The following GRID2 variants were observed in gnomAD, a reference collection of about 807,000 sequenced individuals.
The protein encoded by GRID2 is glutamate ionotropic receptor delta type subunit 2.
In GRID2, 33 loss-of-function variants were observed where a neutral mutation model predicts 114.8. That is an observed-to-expected ratio of 0.29 (90% CI 0.22 to 0.38). The LOEUF (loss-of-function observed/expected upper bound fraction) is 0.38. GRID2 is among the 10% of genes least tolerant of loss of function. GRID2 has a pLI of 1.00. For synonymous variants in GRID2, 505 were observed against 449.9 expected, an observed-to-expected ratio of 1.12 and a Z score of -1.55; for missense variants, 1,184 against 1,257.7, an observed-to-expected ratio of 0.94 and a Z score of 0.89.
In GRID2 at chr4:92,835,113, A is replaced by G. The variant is rs149248857; in HGVS notation, c.244+244827A>G. Among the ~76,000 whole-genome samples the G allele has an allele frequency of 3.9e-3, 594 of 152,192 alleles. 3 individuals are homozygous for G. Among genetic ancestry groups the G allele is most frequent in the African/African-American group, 0.014 (567 of 41,544 alleles). Reference sequence around the variant, plus strand: ...TTTTAATATGATATGGCAGTGCTCAATGGAAAGTAAAATTTACTGTAAGGA... The same window carrying G: ...TTTTAATATGATATGGCAGTGCTCAGTGGAAAGTAAAATTTACTGTAAGGA... On this transcript the variant is annotated intron_variant, in intron 2 of 15. Transcript: ENST00000282020.
At chr4:92,492,507 T>C (rs1265541674) in intron 1 of GRID2, among the ~76,000 whole-genome samples, 2 of 152,214 alleles carry the variant, frequency 1.3e-5, no homozygotes, top group South Asian at 2.1e-4. Context: ...TTGGTTAGCA[T>C]CCACATATTC....
intron 4 of GRID2, among the ~76,000 whole-genome samples, chr4:93,174,657 T>C (rs1469029989): frequency 1.3e-5 from 2 of 152,090 alleles, no homozygotes; most frequent in Non-Finnish European, 2.9e-5. Context: ...CTCTGTCATA[T>C]AAGGACACAG....
intron 1 of GRID2, among the ~76,000 whole-genome samples, chr4:92,545,041 T>C (rs192917769): frequency 6.5e-4 from 99 of 152,170 alleles, no homozygotes; most frequent in African/African-American, 2.3e-3. Context: ...TGATTGAAAT[T>C]GCTGGTTCAT....
chr4:92,360,671 C>G (rs1426196321), intron 1 of GRID2, among the ~76,000 whole-genome samples: 1 of 151,776 alleles, frequency 6.6e-6, no homozygotes, highest in Non-Finnish European at 1.5e-5. Context: ...TGAATGGAGT[C>G]TTGAAAGATA....
intron 8 of GRID2, among the ~76,000 whole-genome samples, chr4:93,265,216 TACATTTACCTGCAGTTGAG>T (rs370345387): frequency 0.017 from 2,637 of 152,294 alleles, 77 homozygotes; most frequent in African/African-American, 0.059. Context: ...AGATAAGGTG[TACATTTACCTGCAGTTGAG>T]ACATAAAAAA....
chr4:93,484,765 G>T (rs1726220143), intron 11 of GRID2, among the ~76,000 whole-genome samples: 1 of 151,882 alleles, frequency 6.6e-6, no homozygotes, highest in Admixed American at 6.6e-5. Flanking sequence ...TGTACATCCA[G>T]TTAGGTCACA....
At chr4:93,500,013 A>G (rs1727942433) in intron 12 of GRID2, among the ~76,000 whole-genome samples, 1 of 152,026 alleles carries the variant, frequency 6.6e-6, no homozygotes. Context: ...AATGGCATCC[A>G]TAAGGGTTAC....
intron 1 of GRID2, among the ~76,000 whole-genome samples, chr4:92,305,635 C>G (rs562137437): frequency 6.6e-6 from 1 of 152,174 alleles, no homozygotes; most frequent in South Asian, 2.1e-4. Context: ...GAGCGGGCTC[C>G]GAGATGCTGG....
chr4:92,851,700 G>A (rs1408819479), intron 2 of GRID2, among the ~76,000 whole-genome samples: 1 of 151,896 alleles, frequency 6.6e-6, no homozygotes, highest in African/African-American at 2.4e-5. Flanking sequence ...TGAATCAGTA[G>A]TACAGGTAAA....
chr4:92,430,075 G>T (rs1414765040), intron 1 of GRID2, among the ~76,000 whole-genome samples: 1 of 151,922 alleles, frequency 6.6e-6, no homozygotes, highest in Non-Finnish European at 1.5e-5. Flanking sequence ...TTTTTTGATT[G>T]TATCCTTTTC....
intron 1 of GRID2, among the ~76,000 whole-genome samples, chr4:92,510,075 G>T (rs1434977834): frequency 1.3e-5 from 2 of 151,798 alleles, no homozygotes; most frequent in Non-Finnish European, 2.9e-5. Context: ...AGGGTTGAGG[G>T]GACAGAAATA....
At chr4:92,804,721 C>T (rs1740332613) in intron 2 of GRID2, among the ~76,000 whole-genome samples, 2 of 152,000 alleles carry the variant, frequency 1.3e-5, no homozygotes, top group Admixed American at 1.3e-4. Context: ...TTAATTAATT[C>T]ACCAAGATTG....
At chr4:92,544,814 C>T (rs977208866) in intron 1 of GRID2, among the ~76,000 whole-genome samples, 12 of 152,070 alleles carry the variant, frequency 7.9e-5, no homozygotes, top group African/African-American at 2.7e-4. Flanking sequence ...CACACGTAGT[C>T]CTCTTGACTT....
chr4:92,845,987 C>G (rs887416323), intron 2 of GRID2, among the ~76,000 whole-genome samples: 8 of 152,040 alleles, frequency 5.3e-5, no homozygotes, highest in Non-Finnish European at 1.2e-4. Flanking sequence ...AACCTCAAAG[C>G]TATTTAGGTT....
Position 93,005,635 on chromosome 4 carries a change from A to G in GRID2, c.245-79360A>G, listed in dbSNP as rs534327424. Among the ~76,000 whole-genome samples the G allele has an allele frequency of 1.4e-4, 22 of 152,220 alleles. No homozygotes were observed. In the South Asian group the frequency reaches 4.6e-3, roughly 32 times the overall value. On this transcript the variant is annotated intron_variant, in intron 2 of 15. Transcript: ENST00000282020. Reference sequence around the variant, plus strand: ...AGTAGCACTATTCAAAATGACCAATAAATAAAAAGAACCCCAAGTCTTTCA... The same window carrying G: ...AGTAGCACTATTCAAAATGACCAATGAATAAAAAGAACCCCAAGTCTTTCA...
intron 7 of GRID2, among the ~76,000 whole-genome samples, chr4:93,225,830 T>A (rs1488847399): frequency 6.6e-6 from 1 of 152,110 alleles, no homozygotes; most frequent in African/African-American, 2.4e-5. Flanking sequence ...AAAATGGAAG[T>A]TTTTTGGCTT....
chr4:92,546,040 G>T (rs1014001989), intron 1 of GRID2, among the ~76,000 whole-genome samples: 1 of 152,018 alleles, frequency 6.6e-6, no homozygotes, highest in Non-Finnish European at 1.5e-5. Context: ...GTTGTTGTTA[G>T]TTTCCGATAC....
intron 2 of GRID2, among the ~76,000 whole-genome samples, chr4:92,728,254 C>G (rs1396574438): frequency 1.3e-5 from 2 of 152,060 alleles, no homozygotes. Context: ...TTGCTAGTAA[C>G]AAATTACCCC....
intron 2 of GRID2, among the ~76,000 whole-genome samples, chr4:92,861,281 T>C (rs569297056): frequency 2.0e-5 from 3 of 152,256 alleles, no homozygotes; most frequent in South Asian, 2.1e-4. Context: ...GGTAATATTA[T>C]GTCAGGCTCA....
Sources: gnomAD v4.1 joint callset for allele counts (sites outside exome capture counted in the v4.1 genomes callset) on GRCh38, gnomAD v4.1.1 for gene constraint, MANE v1.5 for transcripts, NCBI Gene and HGNC (gene_info 2026-07-23, HGNC 2026-07-21) for gene names.